Variants in CEP128 observed in about 807,000 individuals in gnomAD.
The protein encoded by CEP128 is centrosomal protein 128.
CEP128 carries 132 observed loss-of-function variants against 156.7 expected under a neutral mutation model. That is an observed-to-expected ratio of 0.84 (90% confidence interval 0.73 to 0.97). The LOEUF is 0.97. CEP128 is among the 50% of genes least tolerant of loss of function. The pLI is 0.00. For synonymous variants in CEP128, 469 were observed against 448.9 expected (o/e 1.04, Z -0.57); for missense variants, 1,252 against 1,281.9 (o/e 0.98, Z 0.36).
intron 2 of CEP128, among the ~76,000 whole-genome samples, chr14:80,948,791 C>G (rs1192669277): frequency 6.6e-6 from 1 of 152,168 alleles, no homozygotes; most frequent in African/African-American, 2.4e-5. Context: ...CATCTTATCT[C>G]ATGTGTTTAT....
Position 80,603,516 on chromosome 14 carries a change from G to T in CEP128, c.2807-23093C>A, listed in dbSNP as rs192065829. On this transcript the variant is annotated intron_variant, in intron 19 of 24. Coordinates refer to ENST00000555265, the MANE Select transcript of CEP128 (RefSeq NM_152446.5). Reference sequence around the variant, plus strand: ...TGTAAATCCTATCCCAGTTTATTTAGAAAACATGGGAAGACCACTATTCCT... The same window carrying T: ...TGTAAATCCTATCCCAGTTTATTTATAAAACATGGGAAGACCACTATTCCT... 4.9e-3 allele frequency among the ~76,000 whole-genome samples: 749 copies of T among 152,188 alleles called. 8 individuals are homozygous for T. The highest frequency in any genetic ancestry group is 0.017 in the African/African-American group (719 of 41,528).
At chr14:80,592,139 A>T (rs1027607523) in intron 19 of CEP128, among the ~76,000 whole-genome samples, 2 of 152,202 alleles carry the variant, frequency 1.3e-5, no homozygotes, top group African/African-American at 4.8e-5. Context: ...AGCAGAAGAC[A>T]AGAAATAACT....
intron 4 of CEP128, among the ~76,000 whole-genome samples, chr14:80,908,544 G>C (rs1198253285): frequency 1.3e-5 from 2 of 151,922 alleles, no homozygotes; most frequent in East Asian, 3.9e-4. Context: ...GTGCCTTTTA[G>C]TTTTCAATTA....
chr14:80,905,860 G>T, intron 5 of CEP128, 95 bp downstream of exon 5: 1 of 1,207,040 alleles, frequency 8.3e-7, no homozygotes, highest in Non-Finnish European at 1.2e-6. Flanking sequence ...TCTGCATGAA[G>T]TTATGTGTGG....
rs1594954746 is a variant in CEP128 at position 80,530,857 on chromosome 14, C to T, written c.2910G>A (p.Glu970=). The change falls in exon 22 of 25, where the codon GAG becomes GAA. Residue 970 remains glutamate (E), a synonymous_variant. Coordinates refer to ENST00000555265, the MANE Select transcript of CEP128 (RefSeq NM_152446.5). ...TSTQVALDHL[E]SVPEKLSLLE... is the part of the protein sequence containing the mutation. ...GTAGGCTCAGTTTCTCAGGCACAGA[C>T]TCCAGATGGTCCAAGGCCACTTGGG... The T allele has an allele frequency of 6.2e-7, 1 of 1,609,666 alleles. No individual in the cohort carries two copies. Among genetic ancestry groups the T allele is most frequent in the South Asian group, 1.1e-5 (1 of 90,058 alleles).
intron 9 of CEP128, among the ~76,000 whole-genome samples, chr14:80,841,216 A>G (rs1208770861): frequency 1.3e-5 from 2 of 152,150 alleles, no homozygotes; most frequent in Non-Finnish European, 2.9e-5. Flanking sequence ...GTCTTTCATA[A>G]TATCTGAAAT....
At chr14:80,712,739 T>A (rs1897459554) in intron 19 of CEP128, among the ~76,000 whole-genome samples, 1 of 152,140 alleles carries the variant, frequency 6.6e-6, no homozygotes, top group Admixed American at 6.6e-5. Context: ...ATGACAGTAG[T>A]CATCTCAAAG....
At chr14:80,588,764 A>G (rs79958393) in intron 19 of CEP128, among the ~76,000 whole-genome samples, 1,658 of 152,214 alleles carry the variant, frequency 0.011, 47 homozygotes, top group African/African-American at 0.039. Context: ...CTTAATGTTA[A>G]GATTTTTACA....
At chr14:80,832,285 T>C (rs886274442) in intron 12 of CEP128, among the ~76,000 whole-genome samples, 2 of 151,762 alleles carry the variant, frequency 1.3e-5, no homozygotes, top group East Asian at 1.9e-4. Flanking sequence ...ATCCCAAGAA[T>C]AGAGACAAAA....
intron 19 of CEP128, among the ~76,000 whole-genome samples, chr14:80,632,000 T>C (rs1465197381): frequency 6.6e-6 from 1 of 152,076 alleles, no homozygotes; most frequent in East Asian, 1.9e-4. Context: ...CTAAAGTCCA[T>C]ATTACTAGCT....
At position 80,836,286 on chromosome 14, in the gene CEP128, A is replaced by T; in HGVS notation, c.976T>A (p.Leu326Ile). The T allele has an allele frequency of 6.2e-7, 1 of 1,614,046 alleles. No individual in the cohort carries two copies. Among genetic ancestry groups the T allele is most frequent in the Non-Finnish European group, 8.5e-7 (1 of 1,179,964 alleles). ...LTKAEGDRKGLQHQVSQISKQ... is the reference protein window; with the variant it reads ...LTKAEGDRKGIQHQVSQISKQ... ...GAAATCTGAGATACTTGATGCTGTAAACCCTTTCGATCACCTTCTGCTTTC... is the reference window on the plus strand; with the variant it reads ...GAAATCTGAGATACTTGATGCTGTATACCCTTTCGATCACCTTCTGCTTTC... Residue 326 changes from leucine to isoleucine, a missense_variant, in exon 12 of 25, where the codon TTA (leucine) becomes ATA (isoleucine). Leu to Ile is a conservative substitution (Grantham distance 5, BLOSUM62 2). Coordinates refer to ENST00000555265, the MANE Select transcript of CEP128 (RefSeq NM_152446.5).
chr14:80,944,736 G>A (rs949789357), upstream of CEP128, among the ~76,000 whole-genome samples: 3 of 147,004 alleles, frequency 2.0e-5, no homozygotes, highest in Non-Finnish European at 1.5e-5. Context: ...GCAGGAGAAC[G>A]GCGTAAACCC....
At position 80,785,335 on chromosome 14, in the gene CEP128, G is replaced by A; in HGVS notation, c.1771C>T (p.Leu591=). ...CTCTGCTTTTTCAATTCGCTCTCCA[G>A]TCTATGGATGGTATCCAGGGAATTC... ...VKNSLDTIHR[L]ESELKKQSKI... Residue 591 remains leucine (L), a synonymous_variant, in exon 15 of 25, where the codon CTG becomes TTG. Transcript: ENST00000555265. 1 of 1,614,094 alleles carries A rather than the reference G, an allele frequency of 6.2e-7. No homozygotes were observed. Among genetic ancestry groups the A allele is most frequent in the Non-Finnish European group, 8.5e-7 (1 of 1,179,982 alleles).
intron 8 of CEP128, among the ~76,000 whole-genome samples, chr14:80,886,527 C>T (rs8010491): frequency 0.41 from 62,019 of 151,990 alleles, 13,022 homozygotes; most frequent in South Asian, 0.51. Flanking sequence ...TCCAGCCAAA[C>T]TAAGCTTCAT....
intron 8 of CEP128, among the ~76,000 whole-genome samples, chr14:80,887,602 C>T (rs944736721): frequency 2.0e-5 from 3 of 152,078 alleles, no homozygotes; most frequent in African/African-American, 7.2e-5. Context: ...CACAACGTAC[C>T]AGAATGTCTG....
chr14:80,830,787 CA>C, intron 13 of CEP128: 1 of 198,438 alleles, frequency 5.0e-6, no homozygotes, highest in South Asian at 9.3e-5. Context: ...GTTTCACCCG[CA>C]AAATAAATAA....
At chr14:80,863,225 T>C (rs1369902656) in intron 8 of CEP128, among the ~76,000 whole-genome samples, 2 of 152,228 alleles carry the variant, frequency 1.3e-5, no homozygotes, top group Non-Finnish European at 2.9e-5. Context: ...TGCTAAAAAT[T>C]GCATTTGTTA....
chr14:80,499,439 C>T (rs558399805), intron 24 of CEP128, among the ~76,000 whole-genome samples: 2 of 152,278 alleles, frequency 1.3e-5, no homozygotes, highest in South Asian at 4.1e-4. Flanking sequence ...CATTAATCTG[C>T]TTTTCTAAGA....
intron 9 of CEP128, among the ~76,000 whole-genome samples, chr14:80,849,267 A>G (rs1163703470): frequency 6.6e-6 from 1 of 152,136 alleles, no homozygotes; most frequent in Non-Finnish European, 1.5e-5. Flanking sequence ...ACCACACAAA[A>G]AGAGTAAGAT....
Sources: allele counts gnomAD v4.1 joint callset (sites outside exome capture counted in the v4.1 genomes callset), GRCh38; gene constraint gnomAD v4.1.1; transcripts MANE v1.5; gene names NCBI Gene and HGNC (gene_info 2026-07-23, HGNC 2026-07-21).